Variants in ADAM17 observed in about 807,000 individuals in gnomAD.
ADAM17 encodes disintegrin and metalloproteinase domain-containing protein 17.
A neutral mutation model predicts 96.7 loss-of-function variants in ADAM17; 39 were observed. That is an observed-to-expected ratio of 0.40 (90% CI 0.31 to 0.53). The LOEUF (loss-of-function observed/expected upper bound fraction) is 0.53. ADAM17 is among the 20% of genes least tolerant of loss of function. ADAM17 has a pLI of 0.44. For synonymous variants in ADAM17, 344 were observed against 359.2 expected, an observed-to-expected ratio of 0.96 and a Z score of 0.48; for missense variants, 777 against 1,013.2, an observed-to-expected ratio of 0.77 and a Z score of 3.17.
At chr2:9,553,967 C>T (rs1203602748) in intron 1 of ADAM17, among the ~76,000 whole-genome samples, 2 of 151,714 alleles carry the variant, frequency 1.3e-5, no homozygotes, top group African/African-American at 4.8e-5. Flanking sequence ...GAGGCTAAGG[C>T]AGGTGAACTG....
chr2:9,533,044 C>T (rs1054799226), intron 4 of ADAM17, among the ~76,000 whole-genome samples: 3 of 151,788 alleles, frequency 2.0e-5, no homozygotes, highest in Non-Finnish European at 2.9e-5. Flanking sequence ...CAAAAATTAA[C>T]GGGGCATGGT....
chr2:9,549,087 A>G (rs915195184), intron 1 of ADAM17, among the ~76,000 whole-genome samples: 8 of 152,212 alleles, frequency 5.3e-5, no homozygotes, highest in African/African-American at 1.7e-4. Flanking sequence ...AAAATTATGT[A>G]TATGGCAGGT....
intron 10 of ADAM17, chr2:9,512,395 CG>C (rs1200470176): frequency 3.5e-4 from 53 of 152,096 alleles, no homozygotes; most frequent in African/African-American, 1.3e-3. Context: ...AAAGTAAAAG[CG>C]TGAGCTACTG....
Position 9,492,993 on chromosome 2 carries a change from A to G in ADAM17, c.1994-7T>C. ...TTGTCTGCTAAAAACTTTCCTGTGAACAATTCCAAACAGTTAATGTCTTGA... is the reference window on the plus strand; with the variant it reads ...TTGTCTGCTAAAAACTTTCCTGTGAGCAATTCCAAACAGTTAATGTCTTGA... On this transcript the variant is annotated splice_polypyrimidine_tract_variant and splice_region_variant and intron_variant, in intron 16 of 18. Transcript: ENST00000310823. 3 of 1,603,424 alleles carry G rather than the reference A, an allele frequency of 1.9e-6. No homozygotes were observed. Among genetic ancestry groups the G allele is most frequent in the Non-Finnish European group, 2.6e-6 (3 of 1,173,570 alleles).
chr2:9,495,918 A>G (rs936571240), intron 14 of ADAM17, among the ~76,000 whole-genome samples: 4 of 150,578 alleles, frequency 2.7e-5, no homozygotes, highest in Admixed American at 6.6e-5. Flanking sequence ...GCTGGTCTCA[A>G]ACAACTCCTG....
At chr2:9,546,130 T>G (rs1665396471) in intron 1 of ADAM17, among the ~76,000 whole-genome samples, 1 of 149,088 alleles carries the variant, frequency 6.7e-6, no homozygotes, top group African/African-American at 2.5e-5. Context: ...CATGGAAAAA[T>G]ACATATGTTA....
chr2:9,529,806 T>C (rs753696500), intron 4 of ADAM17, among the ~76,000 whole-genome samples: 2 of 151,804 alleles, frequency 1.3e-5, no homozygotes, highest in African/African-American at 2.4e-5. Context: ...ACCCCATCTC[T>C]ACTGAAACAC....
At position 9,536,800 on chromosome 2, in the gene ADAM17, T is replaced by C; in HGVS notation, c.259A>G (p.Thr87Ala). The C allele has an allele frequency of 5.6e-6, 9 of 1,614,086 alleles. No homozygotes were observed. The highest frequency in any genetic ancestry group is 7.6e-6 in the Non-Finnish European group (9 of 1,179,946). Residue 87 changes from threonine (T) to alanine (A), a missense_variant, in exon 3 of 19, where the codon ACT becomes GCT. Thr to Ala is a moderately conservative substitution (Grantham distance 58, BLOSUM62 0). Around this residue, in one of 3 missense-constraint regions of ADAM17, gnomAD observed 134 missense variants for 129.1 expected, o/e 1.04. Transcript: ENST00000310823. ...TTGAAATTTTGTGAAAAACGTTCAG[T>C]ACTTGATGTCAGGTATAATTTAAAA... is the stretch of plus-strand genomic sequence containing the variant. ...RHFKLYLTSS[T>A]ERFSQNFKVV... is the part of the protein sequence containing the mutation.
intron 1 of ADAM17, among the ~76,000 whole-genome samples, chr2:9,554,523 A>G (rs1245115955): frequency 2.0e-5 from 3 of 152,200 alleles, no homozygotes; most frequent in Non-Finnish European, 4.4e-5. Context: ...CACTAAATAT[A>G]AAGAAAAAAA....
intron 4 of ADAM17, among the ~76,000 whole-genome samples, chr2:9,534,712 G>GA (rs946956175): frequency 2.6e-5 from 4 of 151,546 alleles, no homozygotes; most frequent in Non-Finnish European, 5.9e-5. Flanking sequence ...TTTACACATA[G>GA]AAAAAAAAAT....
Position 9,510,150 on chromosome 2 carries a change from A to G in ADAM17, c.1192-19T>C. On this transcript the variant is annotated intron_variant, in intron 10 of 18. Coordinates refer to ENST00000310823, the MANE Select transcript of ADAM17 (RefSeq NM_003183.6). ...CAGCTTCCTTAAGGATCATGCAAAG[A>G]AAACATTATTTCTCAATATCCAGCC... is the stretch of plus-strand genomic sequence containing the variant. 6.2e-7 allele frequency: 1 copy of G among 1,613,734 alleles called. No homozygotes were observed. Among genetic ancestry groups the G allele is most frequent in the Non-Finnish European group, 8.5e-7 (1 of 1,179,840 alleles).
chr2:9,504,763 GAAAAA>G (rs55649546), intron 12 of ADAM17, among the ~76,000 whole-genome samples: 30 of 117,798 alleles, frequency 2.5e-4, no homozygotes, highest in South Asian at 2.2e-3. Context: ...TCTGTCTCAG[GAAAAA>G]AAAAAAAAAA....
At chr2:9,512,453 C>T (rs1572917578) in intron 10 of ADAM17, 2 of 152,224 alleles carry the variant, frequency 1.3e-5, no homozygotes, top group African/African-American at 2.4e-5. Context: ...TACAACCCTC[C>T]GTAGCCCTGG....
chr2:9,539,372 C>T (rs781179456), intron 2 of ADAM17, among the ~76,000 whole-genome samples: 15 of 152,140 alleles, frequency 9.9e-5, no homozygotes, highest in African/African-American at 1.7e-4. Context: ...AGCTCGGCCT[C>T]CCAAAGTGCT....
intron 14 of ADAM17, among the ~76,000 whole-genome samples, chr2:9,495,671 G>A (rs1040778997): frequency 1.3e-5 from 2 of 148,858 alleles, no homozygotes; most frequent in Admixed American, 6.7e-5. Context: ...CTGAGATCGC[G>A]CCACTGCACT....
Position 9,535,849 on chromosome 2 carries a change from G to C in ADAM17, c.435C>G (p.Ala145=), listed in dbSNP as rs143124556. The change falls in exon 4 of 19, where the codon GCC becomes GCG. Residue 145 remains alanine (A), a synonymous_variant. Coordinates refer to ENST00000310823, the MANE Select transcript of ADAM17 (RefSeq NM_003183.6). ...DVIIRINTDG[A]EYNIEPLWRF... ...ATAAATTTACCTCTATGTTATATTC[G>C]GCCCCATCTGTGTTGATTCTGATTA... The C allele has an allele frequency of 6.9e-4, 1,094 of 1,595,158 alleles. 4 individuals carry two copies. The highest frequency in any genetic ancestry group is 6.8e-4 in the Admixed American group (40 of 58,558).
intron 4 of ADAM17, among the ~76,000 whole-genome samples, chr2:9,535,353 T>C (rs1272106644): frequency 6.6e-6 from 1 of 152,242 alleles, no homozygotes; most frequent in Non-Finnish European, 1.5e-5. Context: ...GCAGCCACTG[T>C]GGTCTTGATT....
chr2:9,503,048 G>A (rs1226606105), intron 12 of ADAM17, among the ~76,000 whole-genome samples: 1 of 150,888 alleles, frequency 6.6e-6, no homozygotes, highest in Non-Finnish European at 1.5e-5. Flanking sequence ...GCTAAGGCAG[G>A]AGAATAGCTT....
intron 5 of ADAM17, 141 bp from the exon 6 acceptor site, chr2:9,526,385 A>T (rs990946394): frequency 4.6e-6 from 4 of 867,760 alleles, no homozygotes; most frequent in Non-Finnish European, 6.7e-6. Flanking sequence ...AACAACAAAA[A>T]ATAATTTGGA....
Sources: allele counts gnomAD v4.1 joint callset (sites outside exome capture counted in the v4.1 genomes callset), GRCh38; gene constraint gnomAD v4.1.1; regional missense constraint gnomAD v4.1.1; transcripts MANE v1.5; gene names NCBI Gene and HGNC (gene_info 2026-07-23, HGNC 2026-07-21).